The following ST3GAL5 variants were observed in gnomAD, a reference collection of about 807,000 sequenced individuals.
ST3GAL5 encodes the protein ST3 beta-galactoside alpha-2,3-sialyltransferase 5.
A neutral mutation model predicts 46.1 loss-of-function variants in ST3GAL5; 25 were observed. That is an observed-to-expected ratio of 0.54 (90% CI 0.40 to 0.76). The LOEUF is 0.76. ST3GAL5 is among the 30% of genes least tolerant of loss of function. ST3GAL5 has a pLI of 0.00. For missense variants in ST3GAL5, 431 were observed against 521.2 expected, an observed-to-expected ratio of 0.83 and a Z score of 1.69; for synonymous variants, 182 against 192.7, an observed-to-expected ratio of 0.94 and a Z score of 0.46.
Position 85,848,144 on chromosome 2 carries a change from T to C in ST3GAL5, c.379A>G (p.Thr127Ala), listed in dbSNP as rs907536067. The change falls in exon 4 of 7, where the codon ACA (threonine) becomes GCA (alanine). Residue 127 changes from threonine to alanine, a missense_variant. Transcript: ENST00000638572. ...TGCTCAAATAACAGCGCCATTGATG[T>C]CTTGGCAAACTTGGGACGACATTCC... is the stretch of plus-strand genomic sequence containing the variant. ...QKECRPKFAK[T>A]SMALLFEHRY... The C allele has an allele frequency of 6.2e-7, 1 of 1,614,186 alleles. No individual in the cohort carries two copies.
chr2:85,876,535 C>T (rs1409402773), intron 1 of ST3GAL5, among the ~76,000 whole-genome samples: 27 of 146,034 alleles, frequency 1.8e-4, no homozygotes, highest in Admixed American at 2.8e-4. Context: ...ATGATCTCGG[C>T]GCCGCAACCT....
At chr2:85,888,785 G>A in intron 1 of ST3GAL5, 39 bp downstream of exon 1, 3 of 1,178,892 alleles carry the variant, frequency 2.5e-6, no homozygotes, top group Non-Finnish European at 3.1e-6. Context: ...CCCAGCCCGC[G>A]GGCCCCCGCG....
At chr2:85,852,522 G>T (rs771972558) in intron 3 of ST3GAL5, among the ~76,000 whole-genome samples, 4 of 150,834 alleles carry the variant, frequency 2.7e-5, no homozygotes, top group Non-Finnish European at 4.4e-5. Context: ...CCAAGTCATG[G>T]AAATAACACT....
intron 1 of ST3GAL5, among the ~76,000 whole-genome samples, chr2:85,884,760 A>G (rs1687565459): frequency 6.6e-6 from 1 of 152,196 alleles, no homozygotes; most frequent in Non-Finnish European, 1.5e-5. Flanking sequence ...AGGAGAGAGG[A>G]AGGCTGAGGA....
chr2:85,888,644 G>C (rs969847310), intron 1 of ST3GAL5, 180 bp downstream of exon 1: 1 of 362,306 alleles, frequency 2.8e-6, no homozygotes, highest in Non-Finnish European at 4.5e-6. Context: ...CACGGCCCGG[G>C]ACCACGACCC....
rs1681798355 is a variant in ST3GAL5, at chr2:85,839,875, AC to A, written c.*268del. 2 of 498,936 alleles carry A rather than the reference AC, an allele frequency of 4.0e-6. No homozygotes were observed. Among genetic ancestry groups the A allele is most frequent in the Non-Finnish European group, 7.3e-6 (2 of 275,800 alleles). 30.9% of individuals were successfully genotyped at this position (498,936 alleles called of 1,614,324 possible). On this transcript the variant is annotated 3_prime_UTR_variant, in exon 7 of 7. Transcript: ENST00000638572. ...AATTACTTTCTTAAAAATCAATACA[AC>A]ATCGTTACATACAATTCTCTTTGAG... is the stretch of plus-strand genomic sequence containing the variant.
chr2:85,839,024 G>A lies in ST3GAL5; in HGVS notation c.*1120C>T, dbSNP rs571878309. ...ACTCAAGCAGCTTGCAGGACCAGGTGCCTTAATTCTCTGTCCCTCACTACT... is the reference window on the plus strand; with the variant it reads ...ACTCAAGCAGCTTGCAGGACCAGGTACCTTAATTCTCTGTCCCTCACTACT... On this transcript the variant is annotated 3_prime_UTR_variant, in exon 7 of 7. Transcript: ENST00000638572. 22 of 152,380 alleles carry A rather than the reference G, an allele frequency of 1.4e-4. No individual in the cohort carries two copies. The highest frequency in any genetic ancestry group is 5.1e-4 in the African/African-American group (21 of 41,558). 9.4% of individuals were successfully genotyped at this position (152,380 alleles called of 1,614,324 possible). A position where few individuals can be genotyped will look rare whatever the true frequency, so the allele number is the denominator to read the frequency against.
intron 1 of ST3GAL5, among the ~76,000 whole-genome samples, chr2:85,884,025 A>G (rs1241825849): frequency 6.6e-6 from 1 of 152,160 alleles, no homozygotes; most frequent in Non-Finnish European, 1.5e-5. Context: ...ACTACAGACC[A>G]CAAAGACATG....
chr2:85,857,862 GA>G (rs1684312146), intron 3 of ST3GAL5, among the ~76,000 whole-genome samples: 1 of 152,152 alleles, frequency 6.6e-6, no homozygotes, highest in South Asian at 2.1e-4. Flanking sequence ...CACAACCAGG[GA>G]AACAGGAAGA....
At chr2:85,870,303 T>C (rs1045067433) in intron 1 of ST3GAL5, 23 of 459,064 alleles carry the variant, frequency 5.0e-5, no homozygotes, top group African/African-American at 4.4e-4. Context: ...ATCTGTTTAC[T>C]GAATAAATAC....
rs1681651723 is a variant in ST3GAL5, at chr2:85,838,349, G to T, written c.*1795C>A. On this transcript the variant is annotated 3_prime_UTR_variant, in exon 7 of 7. Transcript: ENST00000638572. ...AGCAAGGAGGCGCTCGTAGCATTAA[G>T]AACGTTGTCTGAGGAAGTTCCGGCT... 1 of 152,214 alleles carries T rather than the reference G, an allele frequency of 6.6e-6. No homozygotes were observed. The highest frequency in any genetic ancestry group is 2.4e-5 in the African/African-American group (1 of 41,450). The allele number at this position is 152,214 out of a possible 1,614,324, so 9.4% of individuals were successfully genotyped here. A position where few individuals can be genotyped will look rare whatever the true frequency, so the allele number is the denominator to read the frequency against.
chr2:85,860,945 C>T (rs1684657893), intron 3 of ST3GAL5: 1 of 520,232 alleles, frequency 1.9e-6, no homozygotes, highest in African/African-American at 1.9e-5. Flanking sequence ...TGGGTTGAGC[C>T]CACCTCATCC....
At chr2:85,889,014 G>A (rs1688100048), upstream of ST3GAL5, 2 of 835,792 alleles carry the variant, frequency 2.4e-6, no homozygotes, top group Non-Finnish European at 3.1e-6. Flanking sequence ...CCCCCGCTCA[G>A]ATGCGGAGGA....
chr2:85,888,750 G>A (rs1019352745), intron 1 of ST3GAL5, 74 bp downstream of exon 1: 1 of 1,102,062 alleles, frequency 9.1e-7, no homozygotes, highest in South Asian at 4.5e-5. Context: ...GCCGGCCCGG[G>A]AAGAGACAAG....
rs1684676954 is a variant in ST3GAL5, at chr2:85,861,099, C to T, written c.318+82G>A. On this transcript the variant is annotated intron_variant, in intron 3 of 6. Transcript: ENST00000638572. The stretch of plus-strand genomic sequence containing the variant: ...CAAACTTTTATTAACATATATTTGT[C>T]ACACAGTAGACTAATGATATTATAG... The T allele has an allele frequency of 2.1e-5, 21 of 994,354 alleles. No individual in the cohort carries two copies. The South Asian group carries it at 2.7e-4, about 13-fold the overall frequency. 61.6% of individuals were successfully genotyped at this position (994,354 alleles called of 1,614,324 possible).
chr2:85,869,045 A>C (rs2104128799), intron 1 of ST3GAL5, among the ~76,000 whole-genome samples: 1 of 152,282 alleles, frequency 6.6e-6, no homozygotes, highest in East Asian at 1.9e-4. Context: ...AGTTAGTACA[A>C]TTGTTTTGTC....
intron 1 of ST3GAL5, among the ~76,000 whole-genome samples, chr2:85,884,782 G>A (rs1479717099): frequency 1.3e-5 from 2 of 152,180 alleles, no homozygotes; most frequent in East Asian, 1.9e-4. Flanking sequence ...GAAACGACAC[G>A]TGTAACAGAA....
intron 2 of ST3GAL5, 106 bp from the exon 3 acceptor site, chr2:85,861,398 T>C (rs1684713915): frequency 1.3e-6 from 1 of 763,534 alleles, no homozygotes; most frequent in Non-Finnish European, 2.3e-6. Flanking sequence ...CTATGCAGCA[T>C]AAAACTACAA....
intron 1 of ST3GAL5, among the ~76,000 whole-genome samples, chr2:85,886,186 T>C (rs1230391947): frequency 6.6e-6 from 1 of 152,224 alleles, no homozygotes; most frequent in African/African-American, 2.4e-5. Context: ...CTCAGCGCTT[T>C]GGGAGGGCAA....
Sources: gnomAD v4.1 joint callset for allele counts (sites outside exome capture counted in the v4.1 genomes callset) on GRCh38, gnomAD v4.1.1 for gene constraint, MANE v1.5 for transcripts, NCBI Gene and HGNC (gene_info 2026-07-23, HGNC 2026-07-21) for gene names.